ZMYM2: variants seen among roughly 807,000 people sequenced by gnomAD.
The protein encoded by ZMYM2 is zinc finger MYM-type containing 2.
A neutral mutation model predicts 162.8 loss-of-function variants in ZMYM2; 56 were observed. The observed-to-expected ratio is 0.34, with a 90% CI of 0.28 to 0.43. The LOEUF is 0.43. ZMYM2 is among the 20% of genes least tolerant of loss of function. The pLI is 1.00. For synonymous variants in ZMYM2, 510 were observed against 541.6 expected, an observed-to-expected ratio of 0.94 and a Z score of 0.81; for missense variants, 1,275 against 1,621.8, an observed-to-expected ratio of 0.79 and a Z score of 3.67.
intron 2 of ZMYM2, among the ~76,000 whole-genome samples, chr13:19,966,836 T>C (rs189283906): frequency 6.6e-6 from 1 of 152,352 alleles, no homozygotes; most frequent in Non-Finnish European, 1.5e-5. Flanking sequence ...GCTTTATAAC[T>C]TTACTATGAA....
the ZMYM2 span, among the ~76,000 whole-genome samples, chr13:19,884,260 T>C: frequency 2.0e-5 from 3 of 152,062 alleles, no homozygotes; most frequent in Non-Finnish European, 4.4e-5. Context: ...ATTTATCCCT[T>C]CTGGTAGGTT....
At chr13:19,871,965 T>C in the ZMYM2 span, among the ~76,000 whole-genome samples, 1 of 151,948 alleles carries the variant, frequency 6.6e-6, no homozygotes, top group South Asian at 2.1e-4. Context: ...TATTTATTAT[T>C]ATTATTATTT....
chr13:20,052,189 A>G, intron 13 of ZMYM2, 88 bp from the exon 14 acceptor site: 1 of 1,127,646 alleles, frequency 8.9e-7, no homozygotes, highest in Non-Finnish European at 1.2e-6. Flanking sequence ...TCACATTTTA[A>G]ATTGGTGAAA....
upstream of ZMYM2, among the ~76,000 whole-genome samples, chr13:19,958,460 T>A (rs1358638314): frequency 3.0e-5 from 4 of 132,268 alleles, no homozygotes; most frequent in Admixed American, 1.4e-4. Flanking sequence ...GCAGACCCGG[T>A]GGGTGGGGGC....
intron 19 of ZMYM2, among the ~76,000 whole-genome samples, chr13:20,065,675 G>A (rs1487515646): frequency 1.3e-5 from 2 of 152,084 alleles, no homozygotes; most frequent in African/African-American, 2.4e-5. Flanking sequence ...ATGGTGGCAC[G>A]TGCCTGCAGT....
chr13:20,060,963 A>G lies in ZMYM2; in HGVS notation c.2740-90A>G, dbSNP rs1446634461. 8 of 1,263,380 alleles carry G rather than the reference A, an allele frequency of 6.3e-6. No individual in the cohort carries two copies. The African/African-American group carries it at 1.1e-4, about 17-fold the overall frequency. 78.3% of individuals were successfully genotyped at this position (1,263,380 alleles called of 1,614,324 possible). On this transcript the variant is annotated intron_variant, in intron 16 of 24. Transcript: ENST00000610343. ...AAGCTTTTATCCAGTGTGATATTAC[A>G]AAGTAGATCATGTGTCAGAGTAATT...
chr13:19,973,540 G>C (rs1039647200), intron 2 of ZMYM2, among the ~76,000 whole-genome samples: 1 of 151,716 alleles, frequency 6.6e-6, no homozygotes, highest in African/African-American at 2.4e-5. Context: ...GCGTGGTGGT[G>C]TGCGCCTGTA....
chr13:20,048,801 C>G (rs1955048381), intron 12 of ZMYM2, among the ~76,000 whole-genome samples: 1 of 65,362 alleles, frequency 1.5e-5, no homozygotes, highest in African/African-American at 3.1e-5. Context: ...GAACCTGTGA[C>G]TTGTTTTTTT....
At chr13:19,914,913 T>A in the ZMYM2 span, among the ~76,000 whole-genome samples, 1 of 152,188 alleles carries the variant, frequency 6.6e-6, no homozygotes, top group African/African-American at 2.4e-5. Context: ...AGAGGCTGTA[T>A]ATACTCTGAA....
the ZMYM2 span, among the ~76,000 whole-genome samples, chr13:19,911,299 T>C: frequency 1.3e-5 from 2 of 152,060 alleles, no homozygotes; most frequent in Non-Finnish European, 2.9e-5. Context: ...CCTCAAGTGA[T>C]CCACTGGCCT....
Position 19,999,539 on chromosome 13 carries a change from T to C in ZMYM2, c.848-3311T>C, listed in dbSNP as rs557832055. ...CCCTCTCCTTGGACCTCCCTGTTCC[T>C]TGAGACACAGCAATATTTAAATTAG... On this transcript the variant is annotated intron_variant, in intron 3 of 24. Coordinates refer to ENST00000610343, the MANE Select transcript of ZMYM2 (RefSeq NM_197968.4). Among the ~76,000 whole-genome samples, 8 of 152,332 alleles carry C rather than the reference T, an allele frequency of 5.3e-5. No individual in the cohort carries two copies. In the South Asian group the frequency reaches 1.7e-3, roughly 32 times the overall value.
the ZMYM2 span, among the ~76,000 whole-genome samples, chr13:19,946,812 A>G: frequency 6.6e-6 from 1 of 152,216 alleles, no homozygotes; most frequent in Non-Finnish European, 1.5e-5. Context: ...CAAAGTGTAC[A>G]TTTAAAGAAT....
chr13:19,885,552 A>G, the ZMYM2 span, among the ~76,000 whole-genome samples: 1 of 152,200 alleles, frequency 6.6e-6, no homozygotes. Flanking sequence ...AAAAATATGT[A>G]TTTTAGGCTG....
intron 16 of ZMYM2, among the ~76,000 whole-genome samples, chr13:20,060,742 A>G (rs1956167906): frequency 6.6e-6 from 1 of 152,216 alleles, no homozygotes; most frequent in African/African-American, 2.4e-5. Context: ...AGAATTTCAT[A>G]TAAAATATTA....
intron 2 of ZMYM2, among the ~76,000 whole-genome samples, chr13:19,983,980 A>T (rs17074683): frequency 6.6e-6 from 1 of 152,322 alleles, no homozygotes; most frequent in East Asian, 1.9e-4. Context: ...CAGAACTATT[A>T]TAAGTGCCAT....
chr13:19,937,726 G>T, the ZMYM2 span, among the ~76,000 whole-genome samples: 226 of 151,324 alleles, frequency 1.5e-3, 2 homozygotes, highest in South Asian at 8.3e-4. Flanking sequence ...CCATGTTGGT[G>T]TGCTGCACCC....
At chr13:20,041,010 T>TC (rs1954194566) in intron 12 of ZMYM2, among the ~76,000 whole-genome samples, 1 of 152,178 alleles carries the variant, frequency 6.6e-6, no homozygotes, top group African/African-American at 2.4e-5. Context: ...CTGAGGAATG[T>TC]TTTATATGTG....
At chr13:20,009,956 CTG>C (rs1951039170) in intron 6 of ZMYM2, among the ~76,000 whole-genome samples, 2 of 152,160 alleles carry the variant, frequency 1.3e-5, no homozygotes, top group Admixed American at 6.5e-5. Context: ...TAGGGTAATT[CTG>C]TGTTTTACCT....
At chr13:19,870,241 C>T in the ZMYM2 span, among the ~76,000 whole-genome samples, 1 of 152,106 alleles carries the variant, frequency 6.6e-6, no homozygotes, top group Non-Finnish European at 1.5e-5. Context: ...CTGCAACTTC[C>T]GCCTCCTGGG....
Sources: gnomAD v4.1 joint callset for allele counts (sites outside exome capture counted in the v4.1 genomes callset) on GRCh38, gnomAD v4.1.1 for gene constraint, MANE v1.5 for transcripts, NCBI Gene and HGNC (gene_info 2026-07-23, HGNC 2026-07-21) for gene names.